Variants in RET observed in about 807,000 individuals in gnomAD.
The protein encoded by RET is ret proto-oncogene.
In RET, 19 loss-of-function variants were observed where a neutral mutation model predicts 118.3. The observed-to-expected ratio is 0.16, with a 90% CI of 0.11 to 0.24. The LOEUF (loss-of-function observed/expected upper bound fraction) is 0.24, where lower values mean the gene tolerates loss of function less well. RET is among the 10% of genes least tolerant of loss of function. The probability of loss-of-function intolerance (pLI) is 1.00; values close to 1 mark genes in which losing one functional copy is unlikely to be tolerated. For synonymous variants in RET, 597 were observed against 644.1 expected (o/e 0.93, Z 1.11); for missense variants, 1,219 against 1,502.1 (o/e 0.81, Z 3.12).
rs1564503327 is a variant in RET, at chr10:43,130,063, C to T, written c.*1794C>T. 3 of 398,612 alleles carry T rather than the reference C, an allele frequency of 7.5e-6. No individual in the cohort carries two copies. The East Asian group carries it at 1.1e-4, about 14-fold the overall frequency. The allele number at this position is 398,612 out of a possible 1,614,324, so 24.7% of individuals were successfully genotyped here. A position where few individuals can be genotyped will look rare whatever the true frequency, so the allele number is the denominator to read the frequency against. On this transcript the variant is annotated 3_prime_UTR_variant, in exon 20 of 20. Coordinates refer to ENST00000355710, the MANE Select transcript of RET (RefSeq NM_020975.6). ...GAACTCCAGGTCTAAACAGCTGACC[C>T]AGTGATGGGGAATTTATCCTTGACC...
At chr10:43,104,775 CTGCAAACTGCAAACTCG>C (rs1350393951) in intron 3 of RET, 160 bp from the exon 4 acceptor site, 10 of 938,924 alleles carry the variant, frequency 1.1e-5, no homozygotes, top group Non-Finnish European at 1.4e-5. Context: ...ACAGTCATCG[CTGCAAACTGCAAACTCG>C]TGCTCCGAGC....
intron 1 of RET, among the ~76,000 whole-genome samples, chr10:43,083,398 C>G (rs1482393158): frequency 6.6e-6 from 1 of 152,242 alleles, no homozygotes; most frequent in Non-Finnish European, 1.5e-5. Flanking sequence ...TTAACGCCAT[C>G]TACTATGTCC....
intron 1 of RET, among the ~76,000 whole-genome samples, chr10:43,095,666 G>C (rs1413395768): frequency 6.6e-6 from 1 of 152,260 alleles, no homozygotes; most frequent in Admixed American, 6.5e-5. Context: ...GAGCTGGGCA[G>C]GGTGGGAGCA....
At chr10:43,090,573 C>T (rs1037365122) in intron 1 of RET, among the ~76,000 whole-genome samples, 2 of 152,110 alleles carry the variant, frequency 1.3e-5, no homozygotes, top group East Asian at 3.9e-4. Context: ...GGGCCACATG[C>T]GTGCACCATG....
chr10:43,108,968 T>G (rs1837847032), intron 5 of RET, 63 bp from the exon 6 acceptor site: 1 of 1,479,398 alleles, frequency 6.8e-7, no homozygotes, highest in Admixed American at 1.7e-5. Context: ...TGGGAAGAGG[T>G]GTGCTACACA....
chr10:43,082,061 G>A (rs1384017870), intron 1 of RET, among the ~76,000 whole-genome samples: 2 of 152,194 alleles, frequency 1.3e-5, no homozygotes, highest in Non-Finnish European at 2.9e-5. Context: ...GCAGCTGTGT[G>A]ATCATGGGGG....
At chr10:43,089,541 C>T (rs955352911) in intron 1 of RET, among the ~76,000 whole-genome samples, 19 of 152,204 alleles carry the variant, frequency 1.2e-4, no homozygotes, top group Non-Finnish European at 1.0e-4. Flanking sequence ...GTGCAGGTGG[C>T]GTAGGAAGTG....
In RET at chr10:43,090,377, G is replaced by A. The variant is rs566926493; in HGVS notation, c.74-10082G>A. ...AGCCTCTTGGGTTGGCACTGGGCTC[G>A]TGTGAGGAGGAGGCGTGGCAAAGGG... On this transcript the variant is annotated intron_variant, in intron 1 of 19. Transcript: ENST00000355710. Among the ~76,000 whole-genome samples, 12 of 152,312 alleles carry A rather than the reference G, an allele frequency of 7.9e-5. No homozygotes were observed. In the East Asian group the frequency reaches 1.9e-3, roughly 25 times the overall value.
intron 12 of RET, among the ~76,000 whole-genome samples, chr10:43,117,859 C>T (rs571881752): frequency 6.4e-4 from 98 of 152,252 alleles, no homozygotes; most frequent in African/African-American, 2.2e-3. Flanking sequence ...GAGCTGCTGA[C>T]GTGTGTGTGA....
chr10:43,100,980 G>T lies in RET; in HGVS notation c.337+258G>T, dbSNP rs191765389. Among the ~76,000 whole-genome samples, 569 of 152,346 alleles carry T rather than the reference G, an allele frequency of 3.7e-3. 4 individuals carry two copies. The highest frequency in any genetic ancestry group is 0.013 in the African/African-American group (545 of 41,584). On this transcript the variant is annotated intron_variant, in intron 2 of 19. Coordinates refer to ENST00000355710, the MANE Select transcript of RET (RefSeq NM_020975.6). ...CCGGGTACACTCTTCTGCCAGACCC[G>T]AATCCCTCTTCCAGTGGGGCTAAAA...
intron 1 of RET, among the ~76,000 whole-genome samples, chr10:43,099,672 G>A (rs761534990): frequency 6.6e-6 from 1 of 152,198 alleles, no homozygotes; most frequent in African/African-American, 2.4e-5. Context: ...CCCAGAAAGT[G>A]CCCTGTGGCC....
intron 5 of RET, among the ~76,000 whole-genome samples, chr10:43,107,057 T>C (rs1383499476): frequency 6.6e-6 from 1 of 152,232 alleles, no homozygotes; most frequent in Admixed American, 6.5e-5. Flanking sequence ...CATGCCACCA[T>C]GCTCACCTGC....
intron 1 of RET, among the ~76,000 whole-genome samples, chr10:43,079,919 G>A (rs1163641514): frequency 6.6e-6 from 1 of 152,296 alleles, no homozygotes; most frequent in East Asian, 1.9e-4. Context: ...ACCTGGGCCT[G>A]GCTTGCTTCC....
At chr10:43,108,136 A>T (rs961552671) in intron 5 of RET, among the ~76,000 whole-genome samples, 4 of 151,866 alleles carry the variant, frequency 2.6e-5, no homozygotes, top group African/African-American at 9.7e-5. Context: ...GTTTGAGTCC[A>T]GGAGTTCGAG....
intron 6 of RET, among the ~76,000 whole-genome samples, chr10:43,110,854 T>G (rs779373515): frequency 9.9e-5 from 15 of 151,928 alleles, no homozygotes; most frequent in Non-Finnish European, 2.2e-4. Flanking sequence ...TCCGGCGGCT[T>G]TGTTGTCTGA....
chr10:43,105,285 C>T, intron 4 of RET, 92 bp downstream of exon 4: 1 of 1,564,684 alleles, frequency 6.4e-7, no homozygotes, highest in South Asian at 1.1e-5. Context: ...AGCCACCCAA[C>T]CGTGTGGCCG....
chr10:43,116,640 A>G lies in RET; in HGVS notation c.2193A>G (p.Gly731=), dbSNP rs2132905376. Residue 731 remains glycine, a synonymous_variant, in exon 12 of 20, where the codon GGA becomes GGG. Transcript: ENST00000355710. ...ACTTGGTTCTTGGAAAAACTCTAGGAGAAGGCGAATTTGGAAAAGTGGTCA... is the reference window on the plus strand; with the variant it reads ...ACTTGGTTCTTGGAAAAACTCTAGGGGAAGGCGAATTTGGAAAAGTGGTCA... The part of the protein sequence containing the change: ...RKNLVLGKTL[G]EGEFGKVVKA... 4 of 1,614,196 alleles carry G rather than the reference A, an allele frequency of 2.5e-6. No homozygotes were observed. The highest frequency in any genetic ancestry group is 3.4e-6 in the Non-Finnish European group (4 of 1,180,032).
chr10:43,114,597 A>G lies in RET; in HGVS notation c.1997A>G (p.Lys666Arg), dbSNP rs377767439. ...CIHCYHKFAH[K>R]PPISSAEMTF... ...CACTGCTACCACAAGTTTGCCCACA[A>G]GCCACCCATCTCCTCAGCTGAGATG... is the stretch of plus-strand genomic sequence containing the variant. Residue 666 changes from lysine to arginine, a missense_variant, in exon 11 of 20, where the codon AAG becomes AGG. By Grantham distance (26) the Lys-to-Arg change is conservative (BLOSUM62 2). Coordinates refer to ENST00000355710, the MANE Select transcript of RET (RefSeq NM_020975.6). The surrounding 1 kb of genome is among the most constrained non-coding windows in gnomAD (Gnocchi z 4.6). 6.2e-7 allele frequency: 1 copy of G among 1,612,694 alleles called. No individual in the cohort carries two copies. Among genetic ancestry groups the G allele is most frequent in the Non-Finnish European group, 8.5e-7 (1 of 1,179,908 alleles).
At chr10:43,080,555 C>A (rs1333498622) in intron 1 of RET, among the ~76,000 whole-genome samples, 1 of 152,238 alleles carries the variant, frequency 6.6e-6, no homozygotes, top group Non-Finnish European at 1.5e-5. Context: ...GTTCTCTGGG[C>A]CAGTGGTGTG....
Sources: allele counts gnomAD v4.1 joint callset (sites outside exome capture counted in the v4.1 genomes callset), GRCh38; gene constraint gnomAD v4.1.1; non-coding constraint Gnocchi (gnomAD v3.1); transcripts MANE v1.5; gene names NCBI Gene and HGNC (gene_info 2026-07-23, HGNC 2026-07-21).